Variants in CAST observed in about 807,000 individuals in gnomAD.
The protein encoded by CAST is calpastatin.
In CAST, 76 loss-of-function variants were observed where a neutral mutation model predicts 119.6. The ratio of observed to expected loss-of-function variants is 0.64; its 90% confidence interval spans 0.53 to 0.77. CAST has a LOEUF of 0.77. Ranked by LOEUF, CAST falls within the 30% of genes least tolerant of loss-of-function variation. The pLI is 0.00. For synonymous variants in CAST, 319 were observed against 331.6 expected, an observed-to-expected ratio of 0.96 and a Z score of 0.41; for missense variants, 953 against 946.5, an observed-to-expected ratio of 1.01 and a Z score of -0.09.
the CAST span, chr5:96,391,460 A>G: frequency 6.6e-6 from 1 of 152,256 alleles, no homozygotes. Context: ...AAGGTTAGTA[A>G]TAAATGAATT....
At chr5:96,210,045 A>G in the CAST span, 8 of 150,626 alleles carry the variant, frequency 5.3e-5, no homozygotes, top group Admixed American at 4.6e-4. Context: ...TCTTTTCTTT[A>G]TATTTGTCTG....
the CAST span, among the ~76,000 whole-genome samples, chr5:96,335,985 A>G: frequency 6.6e-6 from 1 of 152,102 alleles, no homozygotes; most frequent in Non-Finnish European, 1.5e-5. Context: ...CCAATATAAC[A>G]GTCTCTCAAT....
intron 9 of CAST, among the ~76,000 whole-genome samples, chr5:96,732,021 A>C (rs1018737008): frequency 1.1e-4 from 16 of 151,882 alleles, no homozygotes; most frequent in African/African-American, 3.6e-4. Flanking sequence ...TATACCCAGT[A>C]ATGGGATGGC....
chr5:96,639,773 A>C (rs1316295740), intron 1 of CAST, among the ~76,000 whole-genome samples: 3 of 152,218 alleles, frequency 2.0e-5, no homozygotes, highest in Admixed American at 2.0e-4. Context: ...AAAACTGAGA[A>C]GGAGCCAGAA....
At chr5:95,976,065 G>T in the CAST span, among the ~76,000 whole-genome samples, 13 of 151,944 alleles carry the variant, frequency 8.6e-5, no homozygotes, top group Non-Finnish European at 1.6e-4. Context: ...CACAGCCTGA[G>T]TCCCTAGAGA....
intron 1 of CAST, among the ~76,000 whole-genome samples, chr5:96,535,903 CTCAGTGG>C (rs1745802751): frequency 6.6e-6 from 1 of 151,910 alleles, no homozygotes; most frequent in Non-Finnish European, 1.5e-5. Context: ...TAAGTATGTC[CTCAGTGG>C]TACCTACTTT....
the CAST span, among the ~76,000 whole-genome samples, chr5:96,241,385 C>T: frequency 1.3e-4 from 19 of 151,952 alleles, no homozygotes; most frequent in Non-Finnish European, 2.8e-4. Context: ...CTACAAAGGA[C>T]GTGAACTCAT....
chr5:96,303,000 C>T, the CAST span, among the ~76,000 whole-genome samples: 1 of 152,138 alleles, frequency 6.6e-6, no homozygotes, highest in East Asian at 1.9e-4. Context: ...AGTCCATTCC[C>T]ACATGGCTAT....
At chr5:96,371,418 A>G in the CAST span, among the ~76,000 whole-genome samples, 1 of 152,216 alleles carries the variant, frequency 6.6e-6, no homozygotes, top group Admixed American at 6.5e-5. Flanking sequence ...GGAATGGGGC[A>G]GAGGCTTAGC....
chr5:96,392,863 T>C, the CAST span: 1 of 855,616 alleles, frequency 1.2e-6, no homozygotes. Context: ...ATGTACAGTT[T>C]AGGGAGAAAA....
chr5:96,245,420 C>T, the CAST span, among the ~76,000 whole-genome samples: 1 of 152,184 alleles, frequency 6.6e-6, no homozygotes, highest in Non-Finnish European at 1.5e-5. Context: ...ACACTCATAA[C>T]AGGGATCTCA....
At chr5:96,408,605 G>A in the CAST span, among the ~76,000 whole-genome samples, 2 of 152,170 alleles carry the variant, frequency 1.3e-5, no homozygotes, top group African/African-American at 2.4e-5. Context: ...ATTCCCAAAC[G>A]AAATGCTGTC....
At chr5:96,732,298 C>G (rs1760708295) in intron 9 of CAST, among the ~76,000 whole-genome samples, 1 of 128,728 alleles carries the variant, frequency 7.8e-6, no homozygotes, top group African/African-American at 3.0e-5. Context: ...GCATAAATGT[C>G]TTCTTTTGAG....
chr5:96,589,209 C>A (rs1000339678), intron 1 of CAST, among the ~76,000 whole-genome samples: 1 of 152,156 alleles, frequency 6.6e-6, no homozygotes, highest in African/African-American at 2.4e-5. Context: ...AACTGATGCT[C>A]ATATTACAAA....
the CAST span, among the ~76,000 whole-genome samples, chr5:95,985,976 A>G: frequency 6.6e-6 from 1 of 152,312 alleles, no homozygotes; most frequent in Non-Finnish European, 1.5e-5. Flanking sequence ...TTACATTACT[A>G]AAGCAAAATC....
chr5:96,535,791 T>C (rs934353659), intron 1 of CAST, among the ~76,000 whole-genome samples: 2 of 150,850 alleles, frequency 1.3e-5, no homozygotes, highest in East Asian at 4.0e-4. Flanking sequence ...GCCAGGTTGG[T>C]CTCGATCTCC....
the CAST span, among the ~76,000 whole-genome samples, chr5:96,304,111 G>A: frequency 5.3e-5 from 8 of 152,312 alleles, no homozygotes; most frequent in South Asian, 1.0e-3. Context: ...TCCAGCATCT[G>A]TTGTTTCCTG....
the CAST span, among the ~76,000 whole-genome samples, chr5:96,395,469 A>G: frequency 0.015 from 2,356 of 152,350 alleles, 53 homozygotes; most frequent in African/African-American, 0.054. Context: ...GCCATAAAAA[A>G]GAGTGAGTTC....
chr5:96,706,676 C>T (rs1755042458), intron 3 of CAST, among the ~76,000 whole-genome samples: 1 of 152,228 alleles, frequency 6.6e-6, no homozygotes, highest in African/African-American at 2.4e-5. Context: ...GCCTCCCAGT[C>T]ATTGGCTTGC....
Sources: allele counts gnomAD v4.1 joint callset (sites outside exome capture counted in the v4.1 genomes callset), GRCh38; gene constraint gnomAD v4.1.1; transcripts MANE v1.5; gene names NCBI Gene and HGNC (gene_info 2026-07-23, HGNC 2026-07-21).